ADARB1: variants seen among roughly 807,000 people sequenced by gnomAD.
The protein encoded by ADARB1 is double-stranded RNA-specific editase 1.
ADARB1 carries 10 observed loss-of-function variants against 52.4 expected under a neutral mutation model. The observed-to-expected ratio is 0.19, with a 90% CI of 0.12 to 0.32. ADARB1 has a LOEUF of 0.32. Among genes scored for constraint, ADARB1 ranks in the 10% least tolerant of loss-of-function variants. The pLI, the probability that ADARB1 is intolerant of heterozygous loss-of-function variation, is 1.00. For synonymous variants in ADARB1, 349 were observed against 371.1 expected (o/e 0.94, Z 0.68); for missense variants, 643 against 922.3 (o/e 0.70, Z 3.92).
At chr21:45,143,988 G>A (rs985773947) in intron 2 of ADARB1, among the ~76,000 whole-genome samples, 2 of 152,298 alleles carry the variant, frequency 1.3e-5, no homozygotes, top group African/African-American at 2.4e-5. Context: ...CTCCAGGAAA[G>A]CAGATGTTAA....
chr21:45,116,634 C>A (rs1276152731), intron 1 of ADARB1, among the ~76,000 whole-genome samples: 3 of 152,204 alleles, frequency 2.0e-5, no homozygotes, highest in South Asian at 2.1e-4. Context: ...AGGAAACTTA[C>A]AATCATGGTG....
intron 1 of ADARB1, among the ~76,000 whole-genome samples, chr21:45,076,445 G>A (rs1020387215): frequency 2.0e-5 from 3 of 152,198 alleles, no homozygotes; most frequent in African/African-American, 4.8e-5. Context: ...ATGTCTGAGG[G>A]TTCCTAAGAC....
At chr21:45,189,173 C>T (rs1302675913) in intron 8 of ADARB1, among the ~76,000 whole-genome samples, 3 of 152,130 alleles carry the variant, frequency 2.0e-5, no homozygotes, top group Non-Finnish European at 2.9e-5. Context: ...ATAGCTAAAC[C>T]ATATCTATAG....
At chr21:45,177,666 A>G (rs1335602912) in intron 4 of ADARB1, 5 of 152,274 alleles carry the variant, frequency 3.3e-5, no homozygotes, top group Admixed American at 2.0e-4. Context: ...ACTACCCTTG[A>G]CCACAAGACT....
intron 9 of ADARB1, among the ~76,000 whole-genome samples, chr21:45,214,028 G>A (rs1046921194): frequency 1.3e-5 from 2 of 152,178 alleles, no homozygotes; most frequent in South Asian, 2.1e-4. Flanking sequence ...GGGAGTTGTA[G>A]TTCTGTCACT....
intron 1 of ADARB1, among the ~76,000 whole-genome samples, chr21:45,103,933 T>C (rs2087134782): frequency 6.6e-6 from 1 of 152,256 alleles, no homozygotes; most frequent in Non-Finnish European, 1.5e-5. Flanking sequence ...CTTTGATTTC[T>C]TAACTCTGTC....
intron 8 of ADARB1, among the ~76,000 whole-genome samples, chr21:45,185,823 C>T (rs2092085494): frequency 6.6e-6 from 1 of 152,260 alleles, no homozygotes; most frequent in Admixed American, 6.5e-5. Flanking sequence ...CTCTTCAGAG[C>T]CCTCCTGTGG....
At chr21:45,189,555 T>G (rs1256169665) in intron 8 of ADARB1, among the ~76,000 whole-genome samples, 17 of 152,186 alleles carry the variant, frequency 1.1e-4, no homozygotes, top group Non-Finnish European at 4.4e-5. Flanking sequence ...CCATACAGCT[T>G]AATGTTGCTA....
In ADARB1 at chr21:45,222,279, A is replaced by G; in HGVS notation, c.*82A>G. The G allele has an allele frequency of 3.4e-6, 4 of 1,182,272 alleles. No individual in the cohort carries two copies. Among genetic ancestry groups the G allele is most frequent in the Non-Finnish European group, 4.4e-6 (4 of 914,854 alleles). 73.2% of individuals were successfully genotyped at this position (1,182,272 alleles called of 1,614,324 possible). On this transcript the variant is annotated 3_prime_UTR_variant, in exon 11 of 11. Transcript: ENST00000348831. Reference sequence around the variant, plus strand: ...AGAACCTCACATCTGAACTGGGGGCAGGTGCATACCTTGGGGAGGGAGTAG... The same window carrying G: ...AGAACCTCACATCTGAACTGGGGGCGGGTGCATACCTTGGGGAGGGAGTAG...
At chr21:45,168,301 C>T (rs541785565) in intron 2 of ADARB1, among the ~76,000 whole-genome samples, 7 of 152,130 alleles carry the variant, frequency 4.6e-5, no homozygotes, top group Admixed American at 2.0e-4. Context: ...TTAACAGGGA[C>T]GTTTGCAGAG....
chr21:45,138,131 G>A (rs925589477), intron 2 of ADARB1, among the ~76,000 whole-genome samples: 2 of 152,194 alleles, frequency 1.3e-5, no homozygotes, highest in Non-Finnish European at 2.9e-5. Context: ...GGCTATAAGT[G>A]ACAGAGATGC....
At position 45,191,084 on chromosome 21, in the gene ADARB1, T is replaced by C. The variant is rs912892015; in HGVS notation, c.1565+5993T>C. On this transcript the variant is annotated intron_variant, in intron 8 of 10. Transcript: ENST00000348831. ...TATATTGTTGTTAACTCAGGGTCTC[T>C]ATGGGGGAAAGAGGGCCTGTAGCTT... Among the ~76,000 whole-genome samples the C allele has an allele frequency of 2.0e-5, 3 of 152,226 alleles. No individual in the cohort carries two copies. The East Asian group carries it at 5.8e-4, about 29-fold the overall frequency.
intron 4 of ADARB1, among the ~76,000 whole-genome samples, chr21:45,178,289 G>A (rs911294499): frequency 6.6e-6 from 1 of 152,252 alleles, no homozygotes; most frequent in Non-Finnish European, 1.5e-5. Context: ...TGGGAAGGCT[G>A]GAGGGACATC....
intron 1 of ADARB1, among the ~76,000 whole-genome samples, chr21:45,079,336 T>C (rs2086065361): frequency 6.6e-6 from 1 of 152,250 alleles, no homozygotes; most frequent in Non-Finnish European, 1.5e-5. Flanking sequence ...ATATAATTCA[T>C]GCACTTTCAT....
chr21:45,163,167 A>G (rs977237177), intron 2 of ADARB1, among the ~76,000 whole-genome samples: 19 of 152,250 alleles, frequency 1.2e-4, no homozygotes, highest in African/African-American at 4.1e-4. Flanking sequence ...TTTCACATCA[A>G]TAGTAACCAG....
intron 2 of ADARB1, among the ~76,000 whole-genome samples, chr21:45,153,604 TAAG>T (rs924874963): frequency 4.6e-5 from 7 of 152,348 alleles, no homozygotes; most frequent in Admixed American, 1.3e-4. Flanking sequence ...TGTGGCTTCC[TAAG>T]AAGAAGAACA....
chr21:45,182,016 A>G (rs1255998586), intron 5 of ADARB1, among the ~76,000 whole-genome samples: 1 of 152,248 alleles, frequency 6.6e-6, no homozygotes, highest in Non-Finnish European at 1.5e-5. Context: ...TCAGTGGTTT[A>G]TCTCACAAAG....
At chr21:45,192,323 T>C (rs762790595) in intron 8 of ADARB1, among the ~76,000 whole-genome samples, 7 of 152,292 alleles carry the variant, frequency 4.6e-5, no homozygotes, top group Non-Finnish European at 8.8e-5. Context: ...ATGTATTGTA[T>C]TTTACAAAGA....
chr21:45,098,238 C>G (rs1261203311), intron 1 of ADARB1, among the ~76,000 whole-genome samples: 3 of 151,816 alleles, frequency 2.0e-5, no homozygotes, highest in African/African-American at 7.3e-5. Flanking sequence ...CCTCCTCACC[C>G]CACGGCTGTG....
Sources: allele counts gnomAD v4.1 joint callset (sites outside exome capture counted in the v4.1 genomes callset), GRCh38; gene constraint gnomAD v4.1.1; transcripts MANE v1.5; gene names NCBI Gene and HGNC (gene_info 2026-07-23, HGNC 2026-07-21).